SLC17A1: variants seen among roughly 807,000 people sequenced by gnomAD.
SLC17A1 encodes sodium-dependent phosphate transport protein 1.
SLC17A1 carries 51 observed loss-of-function variants against 53.5 expected under a neutral mutation model. That is an observed-to-expected ratio of 0.95 (90% confidence interval 0.76 to 1.20). The LOEUF (loss-of-function observed/expected upper bound fraction) is 1.20, where lower values mean the gene tolerates loss of function less well. SLC17A1 is among the 50% of genes most tolerant of loss of function. The probability of loss-of-function intolerance (pLI) is 0.00; values close to 1 mark genes in which losing one functional copy is unlikely to be tolerated. For missense variants in SLC17A1, 538 were observed against 568.2 expected, an observed-to-expected ratio of 0.95 and a Z score of 0.54; for synonymous variants, 179 against 198.8, an observed-to-expected ratio of 0.90 and a Z score of 0.84.
chr6:25,829,946 T>C (rs904553937), intron 2 of SLC17A1, among the ~76,000 whole-genome samples: 17 of 152,264 alleles, frequency 1.1e-4, no homozygotes, highest in African/African-American at 2.6e-4. Context: ...AGTATCAAAG[T>C]TGATACAAGA....
the SLC17A1 span, among the ~76,000 whole-genome samples, chr6:25,757,540 T>C: frequency 6.6e-6 from 1 of 152,100 alleles, no homozygotes; most frequent in African/African-American, 2.4e-5. Flanking sequence ...AAAGTATACC[T>C]TCTTTCCCCT....
chr6:25,726,466 C>G, the SLC17A1 span: 1 of 1,613,974 alleles, frequency 6.2e-7, no homozygotes, highest in Non-Finnish European at 8.5e-7. Flanking sequence ...CAAACCCGCT[C>G]TAGAAGAGCG....
At chr6:25,828,488 G>A (rs1561845596) in intron 2 of SLC17A1, among the ~76,000 whole-genome samples, 1 of 151,882 alleles carries the variant, frequency 6.6e-6, no homozygotes, top group African/African-American at 2.4e-5. Context: ...ATTAATTTGT[G>A]TGGAGTGACA....
At chr6:25,803,763 G>A (rs1763863073) in intron 10 of SLC17A1, among the ~76,000 whole-genome samples, 3 of 152,116 alleles carry the variant, frequency 2.0e-5, no homozygotes, top group East Asian at 3.9e-4. Flanking sequence ...GGACATAATA[G>A]CAATAATTAT....
the SLC17A1 span, among the ~76,000 whole-genome samples, chr6:25,758,671 T>C: frequency 6.6e-6 from 1 of 152,226 alleles, no homozygotes; most frequent in Non-Finnish European, 1.5e-5. Context: ...CTTATTTGGA[T>C]CTTCTCTCTT....
At chr6:25,782,471 CA>C (rs1763288496), downstream of SLC17A1, among the ~76,000 whole-genome samples, 1 of 152,116 alleles carries the variant, frequency 6.6e-6, no homozygotes, top group Non-Finnish European at 1.5e-5. Flanking sequence ...CAGTATGAAT[CA>C]ATGAATGAAC....
chr6:25,753,962 C>T, the SLC17A1 span, among the ~76,000 whole-genome samples: 2 of 152,018 alleles, frequency 1.3e-5, no homozygotes, highest in African/African-American at 4.8e-5. Context: ...TTCAGCAAAA[C>T]GTATTGACAA....
chr6:25,815,151 AAT>A, intron 6 of SLC17A1, among the ~76,000 whole-genome samples: 3 of 151,664 alleles, frequency 2.0e-5, no homozygotes, highest in African/African-American at 7.3e-5. Context: ...GAAAGAAAGA[AAT>A]AGAGAAAGAG....
chr6:25,826,315 T>C (rs1232279886), intron 3 of SLC17A1, 146 bp downstream of exon 3: 1 of 513,218 alleles, frequency 1.9e-6, no homozygotes, highest in East Asian at 3.3e-5. Flanking sequence ...TGGGACATTT[T>C]ATTTAGGTCA....
chr6:25,826,472 C>T lies in SLC17A1; in HGVS notation c.196G>A (p.Asp66Asn). ...AATTATTGATGTACCTTTATATTAT[C>T]CAGGAGCTTCTTTGTGGAGGTGTTG... ...LPNTSTKKLL[D>N]NIKNPMYNWS... is the part of the protein sequence containing the mutation. The change falls in exon 3 of 13, where the codon GAT becomes AAT. Residue 66 changes from aspartate to asparagine, a missense_variant. Asp to Asn is a conservative substitution (Grantham distance 23). Transcript: ENST00000244527. 1.9e-6 allele frequency: 3 copies of T among 1,603,364 alleles called. No homozygotes were observed. Among genetic ancestry groups the T allele is most frequent in the Non-Finnish European group, 2.6e-6 (3 of 1,175,680 alleles).
the SLC17A1 span, among the ~76,000 whole-genome samples, chr6:25,737,570 T>C: frequency 3.3e-5 from 5 of 152,254 alleles, no homozygotes; most frequent in South Asian, 4.2e-4. Context: ...TATTGATAAA[T>C]TGGCTTTATC....
At chr6:25,804,061 A>G (rs1763874867) in intron 10 of SLC17A1, among the ~76,000 whole-genome samples, 1 of 152,222 alleles carries the variant, frequency 6.6e-6, no homozygotes, top group Non-Finnish European at 1.5e-5. Flanking sequence ...ATCTGAATAT[A>G]TCGTTAATGA....
the SLC17A1 span, among the ~76,000 whole-genome samples, chr6:25,758,547 A>G: frequency 6.6e-6 from 1 of 152,066 alleles, no homozygotes; most frequent in Non-Finnish European, 1.5e-5. Flanking sequence ...GAATTTATCC[A>G]TCTCCTCTAG....
the SLC17A1 span, chr6:25,727,100 G>T: frequency 6.2e-7 from 1 of 1,614,236 alleles, no homozygotes; most frequent in Non-Finnish European, 8.5e-7. Context: ...TGAGCATTAT[G>T]AATTCCTTCG....
At chr6:25,820,850 A>G (rs1447818873) in intron 3 of SLC17A1, among the ~76,000 whole-genome samples, 21 of 147,666 alleles carry the variant, frequency 1.4e-4, no homozygotes, top group Non-Finnish European at 1.5e-5. Flanking sequence ...AGTGACCAAG[A>G]TCGCGCCACT....
chr6:25,745,117 G>A, the SLC17A1 span, among the ~76,000 whole-genome samples: 2 of 152,090 alleles, frequency 1.3e-5, no homozygotes, highest in Non-Finnish European at 2.9e-5. Context: ...GCAGTTTGCA[G>A]TCTGATTTTG....
chr6:25,778,752 A>G (rs1259760392), downstream of SLC17A1, among the ~76,000 whole-genome samples: 2 of 152,358 alleles, frequency 1.3e-5, no homozygotes, highest in East Asian at 3.9e-4. Flanking sequence ...TCTAACTACA[A>G]TGATCAAGGA....
At chr6:25,756,992 G>A in the SLC17A1 span, among the ~76,000 whole-genome samples, 1 of 152,180 alleles carries the variant, frequency 6.6e-6, no homozygotes, top group East Asian at 1.9e-4. Flanking sequence ...TTTTCCAGCA[G>A]ACTATTCAGT....
the SLC17A1 span, chr6:25,732,613 C>A: frequency 1.8e-6 from 2 of 1,096,182 alleles, no homozygotes; most frequent in East Asian, 3.6e-5. Flanking sequence ...TACCTGGCCT[C>A]CGACACCCTG....
Sources: allele counts gnomAD v4.1 joint callset (sites outside exome capture counted in the v4.1 genomes callset), GRCh38; gene constraint gnomAD v4.1.1; transcripts MANE v1.5; gene names NCBI Gene and HGNC (gene_info 2026-07-23, HGNC 2026-07-21).